The following SWAP70 variants were observed in gnomAD, a reference collection of about 807,000 sequenced individuals.
SWAP70 encodes the protein switching B cell complex subunit SWAP70.
SWAP70 carries 34 observed loss-of-function variants against 80.2 expected under a neutral mutation model. The ratio of observed to expected loss-of-function variants is 0.42; its 90% CI spans 0.32 to 0.56. SWAP70 has a LOEUF of 0.56. Ranked by LOEUF, SWAP70 falls within the 20% of genes least tolerant of loss-of-function variation. The pLI, the probability that SWAP70 is intolerant of heterozygous loss-of-function variation, is 0.09. For synonymous variants in SWAP70, 239 were observed against 238.5 expected (o/e 1.00, Z -0.02); for missense variants, 578 against 690.7 (o/e 0.84, Z 1.83).
At chr11:9,735,364 A>G (rs1851350096) in intron 7 of SWAP70, among the ~76,000 whole-genome samples, 1 of 152,186 alleles carries the variant, frequency 6.6e-6, no homozygotes, top group African/African-American at 2.4e-5. Flanking sequence ...TGGCTGTAGA[A>G]TATTCTGTTA....
rs1851580650 is a variant in SWAP70, at chr11:9,750,947, G to A, written c.*977G>A. The A allele has an allele frequency of 1.3e-5, 2 of 152,116 alleles. No individual in the cohort carries two copies. Among genetic ancestry groups the A allele is most frequent in the African/African-American group, 4.8e-5 (2 of 41,416 alleles). The allele number at this position is 152,116 out of a possible 1,614,324, so 9.4% of individuals were successfully genotyped here. On this transcript the variant is annotated 3_prime_UTR_variant, in exon 12 of 12. Coordinates refer to ENST00000318950, the MANE Select transcript of SWAP70 (RefSeq NM_015055.4). ...CCATCTCCTTTCCCCTCACCTTAAA[G>A]GAGACTACCCCTTTGCCCCATATTG...
rs1851184884 is a variant in SWAP70, at chr11:9,724,758, G to A, written c.515G>A (p.Gly172Asp). The A allele has an allele frequency of 1.9e-6, 3 of 1,613,958 alleles. No homozygotes were observed. Among genetic ancestry groups the A allele is most frequent in the African/African-American group, 2.7e-5 (2 of 74,924 alleles). Residue 172 changes from glycine (G) to aspartate (D), a missense_variant, in exon 4 of 12, where the codon GGC becomes GAC. Coordinates refer to ENST00000318950, the MANE Select transcript of SWAP70 (RefSeq NM_015055.4). ...YKINFDDSKNGLSAWELIELI... is the reference protein window; with the variant it reads ...YKINFDDSKNDLSAWELIELI... ...ATCAACTTTGATGACAGTAAAAATG[G>A]CCTTTCTGCATGGGAACTTATTGAG...
At chr11:9,724,039 G>A (rs1851175357) in intron 3 of SWAP70, among the ~76,000 whole-genome samples, 1 of 152,130 alleles carries the variant, frequency 6.6e-6, no homozygotes, top group African/African-American at 2.4e-5. Context: ...CTCCCAAAGT[G>A]TTGGGATTAT....
In SWAP70 at chr11:9,752,866, T is replaced by C. The variant is rs1851608714; in HGVS notation, c.*2896T>C. ...ATGCTCAACTTTCTCAATTTTTTGC[T>C]AATTTTTCTAAGATACATTAAAAAT... On this transcript the variant is annotated 3_prime_UTR_variant, in exon 12 of 12. Transcript: ENST00000318950. The C allele has an allele frequency of 6.6e-6, 1 of 152,250 alleles. No individual in the cohort carries two copies. Among genetic ancestry groups the C allele is most frequent in the African/African-American group, 2.4e-5 (1 of 41,474 alleles). 9.4% of individuals were successfully genotyped at this position (152,250 alleles called of 1,614,324 possible). A position where few individuals can be genotyped will look rare whatever the true frequency, so the allele number is the denominator to read the frequency against.
chr11:9,734,890 G>T (rs1368291035), intron 7 of SWAP70, among the ~76,000 whole-genome samples: 1 of 152,146 alleles, frequency 6.6e-6, no homozygotes, highest in Non-Finnish European at 1.5e-5. Flanking sequence ...CTCCCAAAGT[G>T]CTGGGATTAC....
intron 9 of SWAP70, among the ~76,000 whole-genome samples, chr11:9,743,120 G>A (rs1274203188): frequency 1.4e-5 from 2 of 139,980 alleles, no homozygotes; most frequent in Non-Finnish European, 3.0e-5. Flanking sequence ...TCATTGTTCA[G>A]TTCCCACCTA....
In SWAP70 at chr11:9,733,575, A is replaced by G. The variant is rs368995958; in HGVS notation, c.1080+865A>G. On this transcript the variant is annotated intron_variant, in intron 7 of 11. Transcript: ENST00000318950. ...AATCTTAGGAACTGCATGGGCATAT[A>G]TATAATCTTAGAAAAAGTTATTACT... Among the ~76,000 whole-genome samples, 30 of 152,336 alleles carry G rather than the reference A, an allele frequency of 2.0e-4. No homozygotes were observed. In the East Asian group the frequency reaches 4.2e-3, roughly 22 times the overall value.
chr11:9,716,798 G>A (rs1353353072), intron 3 of SWAP70, among the ~76,000 whole-genome samples: 1 of 152,148 alleles, frequency 6.6e-6, no homozygotes, highest in Non-Finnish European at 1.5e-5. Flanking sequence ...AGACAGAGGT[G>A]GGGAAACCAC....
intron 7 of SWAP70, 44 bp downstream of exon 7, chr11:9,732,754 G>T (rs1477963408): frequency 6.7e-7 from 1 of 1,497,358 alleles, no homozygotes; most frequent in Non-Finnish European, 8.9e-7. Context: ...TCATTCCCCT[G>T]CAGAAGCCAT....
intron 7 of SWAP70, among the ~76,000 whole-genome samples, chr11:9,734,582 G>A (rs186495558): frequency 2.6e-4 from 40 of 152,222 alleles, no homozygotes; most frequent in African/African-American, 9.6e-4. Flanking sequence ...AATAAACACA[G>A]TTCTCCAATT....
intron 9 of SWAP70, 75 bp downstream of exon 9, chr11:9,740,422 C>G: frequency 6.9e-7 from 1 of 1,442,088 alleles, no homozygotes; most frequent in East Asian, 2.3e-5. Context: ...ATGACTAACA[C>G]TCTGGTGGAG....
chr11:9,714,699 C>A (rs1020148683), intron 3 of SWAP70, among the ~76,000 whole-genome samples: 5 of 151,874 alleles, frequency 3.3e-5, no homozygotes, highest in Admixed American at 6.6e-5. Flanking sequence ...GTCAGGAAAG[C>A]AAAGGGCATG....
At chr11:9,665,253 C>G (rs11042466) in intron 1 of SWAP70, among the ~76,000 whole-genome samples, 30,274 of 152,106 alleles carry the variant, frequency 0.2, 3,846 homozygotes, top group Non-Finnish European at 0.28. Flanking sequence ...GTACAGTAAT[C>G]CCGTTCTTCT....
intron 2 of SWAP70, among the ~76,000 whole-genome samples, chr11:9,697,604 G>A (rs1002559898): frequency 1.8e-4 from 28 of 152,046 alleles, no homozygotes; most frequent in African/African-American, 6.5e-4. Context: ...TAGAAACCAC[G>A]AGAAATATTT....
At chr11:9,701,516 G>A (rs562631197) in intron 2 of SWAP70, among the ~76,000 whole-genome samples, 12 of 151,284 alleles carry the variant, frequency 7.9e-5, no homozygotes, top group African/African-American at 2.2e-4. Context: ...GGCGTGTTAG[G>A]TTATGCCTGT....
intron 4 of SWAP70, among the ~76,000 whole-genome samples, chr11:9,727,828 G>T (rs563804048): frequency 6.6e-6 from 1 of 152,170 alleles, no homozygotes; most frequent in African/African-American, 2.4e-5. Context: ...TTGGGGAGGG[G>T]TTGTCTCTGA....
chr11:9,749,468 G>C, intron 11 of SWAP70, among the ~76,000 whole-genome samples: 1 of 152,124 alleles, frequency 6.6e-6, no homozygotes, highest in East Asian at 1.9e-4. Flanking sequence ...GGATGGTCTT[G>C]ATCTCCTGAC....
chr11:9,712,735 CTTTTT>C (rs71034736), intron 2 of SWAP70, among the ~76,000 whole-genome samples: 4 of 132,178 alleles, frequency 3.0e-5, no homozygotes, highest in Admixed American at 7.6e-5. Context: ...TATCTTCTTC[CTTTTT>C]TTTTTTTTTT....
At chr11:9,738,599 G>T (rs1006120471) in intron 8 of SWAP70, among the ~76,000 whole-genome samples, 6 of 151,324 alleles carry the variant, frequency 4.0e-5, no homozygotes. Context: ...AGGCATGGTG[G>T]CCCACTCCTG....
Sources: allele counts gnomAD v4.1 joint callset (sites outside exome capture counted in the v4.1 genomes callset), GRCh38; gene constraint gnomAD v4.1.1; transcripts MANE v1.5; gene names NCBI Gene and HGNC (gene_info 2026-07-23, HGNC 2026-07-21).